DHRS11: variants seen among roughly 807,000 people sequenced by gnomAD.
The protein encoded by DHRS11 is dehydrogenase/reductase 11, also known as dehydrogenase/reductase SDR family member 11.
Under a neutral mutation model 30.7 loss-of-function variants are expected in DHRS11, and 18 were observed. That is an observed-to-expected ratio of 0.59 (90% CI 0.41 to 0.87). The LOEUF (loss-of-function observed/expected upper bound fraction) is 0.87, where lower values mean the gene tolerates loss of function less well. DHRS11 is among the 40% of genes least tolerant of loss of function. DHRS11 has a pLI of 0.00. For synonymous variants in DHRS11, 123 were observed against 139.6 expected (o/e 0.88, Z 0.84); for missense variants, 300 against 349.0 (o/e 0.86, Z 1.12).
chr17:36,592,168 C>T lies in DHRS11; in HGVS notation c.147+12C>T. 7.8e-7 allele frequency: 1 copy of T among 1,275,360 alleles called. No individual in the cohort carries two copies. The allele number at this position is 1,275,360 out of a possible 1,614,324, so 79.0% of individuals were successfully genotyped here. Reference sequence around the variant, plus strand: ...TGGGCAACATCGAGGTGAGGCCGGGCCGAGGGCGGGGACGTCGCGGGCGGG... The same window carrying T: ...TGGGCAACATCGAGGTGAGGCCGGGTCGAGGGCGGGGACGTCGCGGGCGGG... On this transcript the variant is annotated intron_variant, in intron 1 of 6. Transcript: ENST00000618403. The surrounding 1 kb of genome is among the most constrained non-coding windows in gnomAD (Gnocchi z 4.4).
rs1191075511 is a variant in DHRS11 at position 36,592,282 on chromosome 17, T to C, written c.147+126T>C. 1 of 1,135,664 alleles carries C rather than the reference T, an allele frequency of 8.8e-7. No homozygotes were observed. Among genetic ancestry groups the C allele is most frequent in the Non-Finnish European group, 1.1e-6 (1 of 902,138 alleles). 70.3% of individuals were successfully genotyped at this position (1,135,664 alleles called of 1,614,324 possible). A position where few individuals can be genotyped will look rare whatever the true frequency, so the allele number is the denominator to read the frequency against. On this transcript the variant is annotated intron_variant, in intron 1 of 6. Transcript: ENST00000618403. The surrounding 1 kb of genome is among the most constrained non-coding windows in gnomAD (Gnocchi z 4.4). ...GCCTCTCGGATCCCTTAAGGCAGGC[T>C]TCTCCCTTCCCCTTAAGTCTCATCT... is the stretch of plus-strand genomic sequence containing the variant.
chr17:36,595,529 C>T (rs563397945), intron 2 of DHRS11, among the ~76,000 whole-genome samples: 176 of 147,898 alleles, frequency 1.2e-3, no homozygotes, highest in Middle Eastern at 3.5e-3. Context: ...AAACGATTCT[C>T]CTGCTTGAGC....
chr17:36,598,412 C>G (rs1052612570), intron 3 of DHRS11, 155 bp downstream of exon 3: 1 of 727,648 alleles, frequency 1.4e-6, no homozygotes. Flanking sequence ...ATAATGTTGT[C>G]AAGTACCAGC....
chr17:36,599,795 CT>C, intron 5 of DHRS11, 32 bp downstream of exon 5: 1 of 1,612,824 alleles, frequency 6.2e-7, no homozygotes, highest in Non-Finnish European at 8.5e-7. Context: ...GGTGAAGCCA[CT>C]GACTCCCTAA....
chr17:36,595,410 C>CT (rs34424724), intron 2 of DHRS11, among the ~76,000 whole-genome samples: 2,272 of 51,652 alleles, frequency 0.044, 499 homozygotes, highest in Admixed American at 0.1. Flanking sequence ...GGAGGTAGTT[C>CT]TTTTTTTTTT....
chr17:36,598,208 T>C lies in DHRS11; in HGVS notation c.403T>C (p.Ser135Pro), dbSNP rs1263831966. 2 of 1,613,922 alleles carry C rather than the reference T, an allele frequency of 1.2e-6. No homozygotes were observed. The highest frequency in any genetic ancestry group is 1.7e-6 in the Non-Finnish European group (2 of 1,179,996). Residue 135 changes from serine (S) to proline (P), a missense_variant, in exon 3 of 7, where the codon TCC becomes CCC. Ser to Pro is a moderately conservative substitution (Grantham distance 74, BLOSUM62 -1). Transcript: ENST00000618403. Reference protein sequence around the residue: ...LSICTREAYQSMKERNVDDGH... With the variant: ...LSICTREAYQPMKERNVDDGH... ...CATCTGCACACGGGAAGCCTACCAG[T>C]CCATGAAGGAGCGGAATGTGGACGA...
chr17:36,598,220 C>A lies in DHRS11; in HGVS notation c.415C>A (p.Arg139=), dbSNP rs754322863. 1.2e-6 allele frequency: 2 copies of A among 1,614,062 alleles called. No individual in the cohort carries two copies. The highest frequency in any genetic ancestry group is 1.1e-5 in the South Asian group (1 of 91,084). Residue 139 remains arginine, a synonymous_variant, in exon 3 of 7, where the codon CGG becomes AGG. Transcript: ENST00000618403. The part of the protein sequence containing the change: ...TREAYQSMKE[R]NVDDGHIINI... ...GGAAGCCTACCAGTCCATGAAGGAG[C>A]GGAATGTGGACGATGGGCACATCAT...
At chr17:36,594,681 T>G in intron 1 of DHRS11, 2 of 521,070 alleles carry the variant, frequency 3.8e-6, no homozygotes, top group Non-Finnish European at 3.5e-6. Context: ...TTCCAAAGTG[T>G]TGGGATTACA....
chr17:36,595,845 G>A (rs769745250), intron 2 of DHRS11, among the ~76,000 whole-genome samples: 15 of 152,162 alleles, frequency 9.9e-5, no homozygotes, highest in African/African-American at 4.8e-5. Context: ...GCTTGGGAAC[G>A]TGATGTTATG....
At position 36,600,031 on chromosome 17, in the gene DHRS11, C is replaced by T. The variant is rs139141945; in HGVS notation, c.735C>T (p.His245=). Reference sequence around the variant, plus strand: ...TCTACGTCCTCAGCACCCCCGCACACATCCAGGTGAGTCTGGCCCTGACTG... The same window carrying T: ...TCTACGTCCTCAGCACCCCCGCACATATCCAGGTGAGTCTGGCCCTGACTG... ...AVIYVLSTPA[H]IQIGDIQMRP... The change falls in exon 6 of 7, where the codon CAC becomes CAT. Residue 245 remains histidine (H), a synonymous_variant. Transcript: ENST00000618403. 16 of 1,613,814 alleles carry T rather than the reference C, an allele frequency of 9.9e-6. No homozygotes were observed. The highest frequency in any genetic ancestry group is 1.3e-5 in the Non-Finnish European group (15 of 1,179,930).
At chr17:36,593,204 C>CCCCTA (rs1433788626) in intron 1 of DHRS11, among the ~76,000 whole-genome samples, 1 of 152,208 alleles carries the variant, frequency 6.6e-6, no homozygotes, top group Non-Finnish European at 1.5e-5. Flanking sequence ...CTCACCTACT[C>CCCCTA]CCCTACCGCA....
chr17:36,595,285 A>G, intron 2 of DHRS11, 105 bp downstream of exon 2: 1 of 1,330,698 alleles, frequency 7.5e-7, no homozygotes, highest in Admixed American at 2.0e-5. Flanking sequence ...ATCTAGGAAG[A>G]GGGAGCTTCG....
chr17:36,595,136 A>G lies in DHRS11; in HGVS notation c.313A>G (p.Thr105Ala), dbSNP rs756632041. The change falls in exon 2 of 7, where the codon ACC (threonine) becomes GCC (alanine). Residue 105 changes from threonine (T) to alanine (A), a missense_variant. Coordinates refer to ENST00000618403, the MANE Select transcript of DHRS11 (RefSeq NM_024308.4). ...CAATGCTGGCTTGGCCCGGCCTGAC[A>G]CCCTGCTCTCAGGCAGCACCAGTGG... ...INNAGLARPD[T>A]LLSGSTSGWK... 6.2e-7 allele frequency: 1 copy of G among 1,613,798 alleles called. No individual in the cohort carries two copies. The highest frequency in any genetic ancestry group is 8.5e-7 in the Non-Finnish European group (1 of 1,180,032).
rs911167525 is a variant in DHRS11, at chr17:36,599,763, G to T, written c.675G>T (p.Lys225Asn). Residue 225 changes from lysine (K) to asparagine (N), a missense_variant and splice_region_variant, in exon 5 of 7, where the codon AAG becomes AAT. Lys to Asn is a moderately conservative substitution (Grantham distance 94). Transcript: ENST00000618403. ...EKAAATYEQM[K>N]CLKPEDVAEA... ...CAGCTGCCACCTATGAGCAAATGAA[G>T]GTGGGGCCTCCCTCTGAGCCTGGTG... The T allele has an allele frequency of 5.0e-6, 8 of 1,614,176 alleles. No homozygotes were observed. The highest frequency in any genetic ancestry group is 6.8e-6 in the Non-Finnish European group (8 of 1,180,030).
rs907607257 is a variant in DHRS11 at position 36,592,670 on chromosome 17, C to T, written c.147+514C>T. Among the ~76,000 whole-genome samples, 2 of 152,188 alleles carry T rather than the reference C, an allele frequency of 1.3e-5. No homozygotes were observed. The highest frequency in any genetic ancestry group is 2.4e-5 in the African/African-American group (1 of 41,440). On this transcript the variant is annotated intron_variant, in intron 1 of 6. Transcript: ENST00000618403. This position sits in a 1 kb window ranked among gnomAD's most constrained non-coding sequence, Gnocchi z 4.4. ...AATGGAATATTCATTAGTGGGCCCT[C>T]CTCCACTCTCCTGGGGCGAACAGAG... is the stretch of plus-strand genomic sequence containing the variant.
chr17:36,599,839 C>T (rs973581365), intron 5 of DHRS11, 76 bp downstream of exon 5: 118 of 1,595,394 alleles, frequency 7.4e-5, no homozygotes, highest in Non-Finnish European at 1.0e-4. Flanking sequence ...CCTTCAGACT[C>T]CACTCTTCCA....
rs1445614424 is a variant in DHRS11 at position 36,598,972 on chromosome 17, C to T, written c.504C>T (p.Ala168=). Residue 168 remains alanine, a synonymous_variant, in exon 4 of 7, where the codon GCC becomes GCT. Coordinates refer to ENST00000618403, the MANE Select transcript of DHRS11 (RefSeq NM_024308.4). ...LPLSVTHFYS[A]TKYAVTALTE... is the part of the protein sequence containing the mutation. ...TGTCTGTGACCCACTTCTATAGTGC[C>T]ACCAAGTATGCCGTCACTGCGCTGA... 8 of 1,613,558 alleles carry T rather than the reference C, an allele frequency of 5.0e-6. No individual in the cohort carries two copies. The highest frequency in any genetic ancestry group is 5.9e-6 in the Non-Finnish European group (7 of 1,180,012).
chr17:36,598,621 C>A, intron 3 of DHRS11: 1 of 504,984 alleles, frequency 2.0e-6, no homozygotes, highest in Non-Finnish European at 3.5e-6. Context: ...CTTGAGATGT[C>A]CCAATAGAAC....
chr17:36,598,721 T>G, intron 3 of DHRS11, 200 bp from the exon 4 acceptor site: 1 of 614,102 alleles, frequency 1.6e-6, no homozygotes, highest in East Asian at 3.0e-5. Flanking sequence ...TAGGGATGAG[T>G]TCCAGGAAAA....
Sources: gnomAD v4.1 joint callset for allele counts (sites outside exome capture counted in the v4.1 genomes callset) on GRCh38, gnomAD v4.1.1 for gene constraint, Gnocchi (gnomAD v3.1) non-coding constraint, MANE v1.5 for transcripts, NCBI Gene and HGNC (gene_info 2026-07-23, HGNC 2026-07-21) for gene names.